FGF7: variants seen among roughly 807,000 people sequenced by gnomAD.
FGF7 encodes fibroblast growth factor 7.
In FGF7, 6 loss-of-function variants were observed where a neutral mutation model predicts 20.5. The observed-to-expected ratio is 0.29, with a 90% CI of 0.16 to 0.58. FGF7 has a LOEUF of 0.58. Among genes scored for constraint, FGF7 ranks in the 20% least tolerant of loss-of-function variants. The pLI is 0.90. For synonymous variants in FGF7, 64 were observed against 74.7 expected (o/e 0.86, Z 0.74); for missense variants, 144 against 228.8 (o/e 0.63, Z 2.39).
At chr15:49,427,844 G>C (rs2050260279) in intron 2 of FGF7, among the ~76,000 whole-genome samples, 1 of 151,960 alleles carries the variant, frequency 6.6e-6, no homozygotes, top group Admixed American at 6.6e-5. Context: ...GGAGGGCATG[G>C]AGAAAGAAAA....
chr15:49,475,119 A>G (rs1432258254), intron 2 of FGF7, among the ~76,000 whole-genome samples: 1 of 152,174 alleles, frequency 6.6e-6, no homozygotes, highest in East Asian at 1.9e-4. Context: ...GATCAGTTTG[A>G]TTAATTTTTT....
chr15:49,462,287 C>T (rs2053872670), intron 2 of FGF7, among the ~76,000 whole-genome samples: 1 of 152,052 alleles, frequency 6.6e-6, no homozygotes, highest in Non-Finnish European at 1.5e-5. Flanking sequence ...TTTAAAATAT[C>T]TTGTAGAAAA....
At chr15:49,442,173 A>G (rs1424707642) in intron 2 of FGF7, among the ~76,000 whole-genome samples, 1 of 151,142 alleles carries the variant, frequency 6.6e-6, no homozygotes, top group Non-Finnish European at 1.5e-5. Flanking sequence ...CTTTTACCTT[A>G]TTTTCTACTG....
At chr15:49,473,749 T>A (rs1305933280) in intron 2 of FGF7, among the ~76,000 whole-genome samples, 2 of 152,122 alleles carry the variant, frequency 1.3e-5, no homozygotes, top group African/African-American at 4.8e-5. Context: ...AGAAAGAATT[T>A]TAATGATTAG....
chr15:49,440,978 G>A (rs1166490622), intron 2 of FGF7, among the ~76,000 whole-genome samples: 1 of 151,786 alleles, frequency 6.6e-6, no homozygotes, highest in Non-Finnish European at 1.5e-5. Context: ...TTACTGCTTA[G>A]AGATTCATTC....
At chr15:49,464,463 T>C (rs1342888283) in intron 2 of FGF7, among the ~76,000 whole-genome samples, 2 of 152,210 alleles carry the variant, frequency 1.3e-5, no homozygotes, top group African/African-American at 2.4e-5. Context: ...AGTTTGTAGG[T>C]TGGGCTAACA....
intron 2 of FGF7, among the ~76,000 whole-genome samples, chr15:49,441,889 A>G (rs923353601): frequency 2.6e-5 from 4 of 151,528 alleles, no homozygotes; most frequent in Non-Finnish European, 5.9e-5. Flanking sequence ...CAACCTTCTC[A>G]TTGTACTTAT....
At chr15:49,454,831 G>A (rs760489996) in intron 2 of FGF7, among the ~76,000 whole-genome samples, 1 of 151,994 alleles carries the variant, frequency 6.6e-6, no homozygotes, top group African/African-American at 2.4e-5. Context: ...GGATGGTCTC[G>A]ATCTCCTGAC....
In FGF7 at chr15:49,424,604, C is replaced by T. The variant is rs528536819; in HGVS notation, c.286+21C>T. ...TTACAGTAAGTAATTTTAAGTACTG[C>T]TCATGAACCTTAGCAATCTGTTAAT... On this transcript the variant is annotated intron_variant, in intron 2 of 3. Coordinates refer to ENST00000267843, the MANE Select transcript of FGF7 (RefSeq NM_002009.4). 5.3e-6 allele frequency: 8 copies of T among 1,519,600 alleles called. No individual in the cohort carries two copies. In the East Asian group the frequency reaches 1.8e-4, roughly 35 times the overall value. The allele number at this position is 1,519,600 out of a possible 1,614,324, so 94.1% of individuals were successfully genotyped here.
intron 2 of FGF7, among the ~76,000 whole-genome samples, chr15:49,439,243 C>T (rs1324632001): frequency 6.6e-6 from 1 of 150,844 alleles, no homozygotes; most frequent in African/African-American, 2.4e-5. Flanking sequence ...AACATGGCAA[C>T]TGGCCTCCTT....
chr15:49,479,597 C>CTT (rs1567359064), intron 2 of FGF7, among the ~76,000 whole-genome samples: 34 of 102,078 alleles, frequency 3.3e-4, no homozygotes, highest in Middle Eastern at 6.4e-3. Flanking sequence ...GTTAATACCT[C>CTT]TGTTTTTTTT....
At chr15:49,457,857 TA>T (rs1346138251) in intron 2 of FGF7, among the ~76,000 whole-genome samples, 6 of 151,460 alleles carry the variant, frequency 4.0e-5, no homozygotes, top group Admixed American at 2.6e-4. Flanking sequence ...CATAATGATA[TA>T]AAAAACAATT....
intron 2 of FGF7, chr15:49,434,270 T>C (rs2050884100): frequency 6.6e-6 from 1 of 151,580 alleles, no homozygotes; most frequent in Non-Finnish European, 1.5e-5. Context: ...ATATGCAAAA[T>C]TTTAAAGGTT....
rs1205910657 is a variant in FGF7, at chr15:49,424,180, C to CT, written c.-115dup. ...TAACAATTTGGAAAGAGCAACTACT[C>CT]TTTCTTAAATCAATCTACAATTCAC... On this transcript the variant is annotated 5_prime_UTR_variant, in exon 2 of 4. It introduces an in-frame stop codon into an upstream open reading frame of the 5' UTR. Transcript: ENST00000267843. 88 of 925,138 alleles carry CT rather than the reference C, an allele frequency of 9.5e-5. No homozygotes were observed. The highest frequency in any genetic ancestry group is 1.4e-4 in the Non-Finnish European group (85 of 610,382). 57.3% of individuals were successfully genotyped at this position (925,138 alleles called of 1,614,324 possible). A position where few individuals can be genotyped will look rare whatever the true frequency, so the allele number is the denominator to read the frequency against.
chr15:49,481,284 T>C (rs972579089), intron 2 of FGF7, among the ~76,000 whole-genome samples: 7 of 152,358 alleles, frequency 4.6e-5, no homozygotes, highest in African/African-American at 7.2e-5. Context: ...AACTGATACA[T>C]TTATTCCATT....
At chr15:49,436,058 G>A (rs1278979839) in intron 2 of FGF7, among the ~76,000 whole-genome samples, 1 of 151,046 alleles carries the variant, frequency 6.6e-6, no homozygotes. Context: ...TTCATTTCAC[G>A]GAAGAAAAAA....
intron 2 of FGF7, among the ~76,000 whole-genome samples, chr15:49,472,494 T>A (rs1265033210): frequency 6.6e-6 from 1 of 152,176 alleles, no homozygotes; most frequent in Non-Finnish European, 1.5e-5. Flanking sequence ...CATGGCCACA[T>A]TAAGCTGCAA....
At chr15:49,432,035 T>A (rs1410645885) in intron 2 of FGF7, among the ~76,000 whole-genome samples, 1 of 151,748 alleles carries the variant, frequency 6.6e-6, no homozygotes, top group Non-Finnish European at 1.5e-5. Flanking sequence ...ACTGTAATAA[T>A]CTTTGCTTAT....
chr15:49,445,145 G>A (rs891382989), intron 2 of FGF7, among the ~76,000 whole-genome samples: 1 of 151,452 alleles, frequency 6.6e-6, no homozygotes, highest in Non-Finnish European at 1.5e-5. Flanking sequence ...TTTAGATTCA[G>A]GGAGTACATG....
Sources: gnomAD v4.1 joint callset for allele counts (sites outside exome capture counted in the v4.1 genomes callset) on GRCh38, gnomAD v4.1.1 for gene constraint, MANE v1.5 for transcripts, NCBI Gene and HGNC (gene_info 2026-07-23, HGNC 2026-07-21) for gene names.